ZP3: variants seen among roughly 807,000 people sequenced by gnomAD.
ZP3 encodes the protein zona pellucida glycoprotein 3.
In ZP3, 21 loss-of-function variants were observed where a neutral mutation model predicts 35.6. The ratio of observed to expected loss-of-function variants is 0.59; its 90% confidence interval spans 0.42 to 0.85. The LOEUF (loss-of-function observed/expected upper bound fraction) is 0.85. Among genes scored for constraint, ZP3 ranks in the 40% least tolerant of loss-of-function variants. The pLI, the probability that ZP3 is intolerant of heterozygous loss-of-function variation, is 0.00. For synonymous variants in ZP3, 207 were observed against 214.5 expected (o/e 0.96, Z 0.31); for missense variants, 437 against 536.5 (o/e 0.81, Z 1.83).
chr7:76,401,066 A>C, intron 1 of ZP3: 1 of 1,536,900 alleles, frequency 6.5e-7, no homozygotes, highest in Non-Finnish European at 8.8e-7. Flanking sequence ...GAGGAAGAGC[A>C]TTGGCCCCTC....
intron 5 of ZP3, among the ~76,000 whole-genome samples, chr7:76,437,912 G>A (rs1368938491): frequency 1.3e-5 from 2 of 152,252 alleles, no homozygotes; most frequent in African/African-American, 2.4e-5. Context: ...CATTTCCTTT[G>A]TGGAATAGAC....
upstream of ZP3, chr7:76,424,887 G>A (rs1453277762): frequency 2.9e-6 from 4 of 1,373,744 alleles, no homozygotes; most frequent in African/African-American, 2.9e-5. Context: ...CTGAGAAGCT[G>A]AGAGCCCAGG....
upstream of ZP3, among the ~76,000 whole-genome samples, chr7:76,421,170 G>A (rs1201633999): frequency 6.6e-6 from 1 of 151,954 alleles, no homozygotes; most frequent in Non-Finnish European, 1.5e-5. Context: ...TCCTGACCTC[G>A]TGATCTGCTC....
intron 1 of ZP3, chr7:76,428,581 T>A (rs1422281698): frequency 6.6e-6 from 1 of 152,292 alleles, no homozygotes; most frequent in Non-Finnish European, 1.5e-5. Context: ...CCAGTAGTAC[T>A]CACCTGTGCT....
At chr7:76,422,974 G>A (rs1242197488), upstream of ZP3, among the ~76,000 whole-genome samples, 1 of 148,090 alleles carries the variant, frequency 6.8e-6, no homozygotes, top group Non-Finnish European at 1.5e-5. Flanking sequence ...TCCAGCCTGG[G>A]CGACAGAATG....
intron 1 of ZP3, among the ~76,000 whole-genome samples, chr7:76,427,266 C>T (rs1015325429): frequency 4.6e-5 from 7 of 152,256 alleles, no homozygotes; most frequent in Non-Finnish European, 2.9e-5. Flanking sequence ...CCTGTAATCC[C>T]AGCACTTTGG....
intron 1 of ZP3, 49 bp downstream of exon 1, chr7:76,425,325 G>GC: frequency 6.4e-7 from 1 of 1,552,002 alleles, no homozygotes; most frequent in Non-Finnish European, 8.7e-7. Flanking sequence ...GTTCGAGGCA[G>GC]CCGGGTATGG....
At chr7:76,430,367 A>G (rs111769225) in intron 2 of ZP3, among the ~76,000 whole-genome samples, 1 of 152,184 alleles carries the variant, frequency 6.6e-6, no homozygotes, top group African/African-American at 2.4e-5. Flanking sequence ...CAAGGACAAC[A>G]CTGGGTCCTG....
At chr7:76,424,898 T>G (rs1584055168), upstream of ZP3, 1 of 1,414,982 alleles carries the variant, frequency 7.1e-7, no homozygotes, top group South Asian at 1.5e-5. Flanking sequence ...AGAGCCCAGG[T>G]GGCAGCAGCC....
intron 1 of ZP3, among the ~76,000 whole-genome samples, chr7:76,427,515 CA>C (rs71085411): frequency 0.14 from 14,300 of 104,532 alleles, 661 homozygotes; most frequent in Middle Eastern, 0.19. Flanking sequence ...GACTCCGTCT[CA>C]AAAAAAAAAA....
intron 5 of ZP3, among the ~76,000 whole-genome samples, chr7:76,436,052 T>TCC (rs1805996736): frequency 1.6e-3 from 106 of 67,382 alleles, no homozygotes; most frequent in African/African-American, 5.8e-3. Flanking sequence ...TTTTTTTTTT[T>TCC]TTTTTTTTTT....
intron 1 of ZP3, among the ~76,000 whole-genome samples, chr7:76,425,482 ATGGGG>A (rs1239957763): frequency 1.3e-5 from 2 of 152,008 alleles, no homozygotes; most frequent in Non-Finnish European, 2.9e-5. Context: ...CATTGGGTCG[ATGGGG>A]TGGAGCCAGA....
At chr7:76,436,278 C>T (rs1267053093) in intron 5 of ZP3, among the ~76,000 whole-genome samples, 17 of 152,032 alleles carry the variant, frequency 1.1e-4, no homozygotes, top group Non-Finnish European at 2.5e-4. Flanking sequence ...AATACCCGAC[C>T]TCAAACGATC....
At chr7:76,408,070 G>C (rs760972196) in intron 1 of ZP3, among the ~76,000 whole-genome samples, 7 of 152,222 alleles carry the variant, frequency 4.6e-5, no homozygotes, top group Non-Finnish European at 8.8e-5. Context: ...CAGCCACCCT[G>C]ATGGGGACTT....
At chr7:76,435,412 C>T (rs1383424335) in intron 5 of ZP3, among the ~76,000 whole-genome samples, 67 of 152,370 alleles carry the variant, frequency 4.4e-4, no homozygotes, top group African/African-American at 1.6e-3. Flanking sequence ...GCCTCGGTCT[C>T]CCAAAGTGCT....
rs143850080 is a variant in ZP3 at position 76,426,907 on chromosome 7, C to CAA, written c.312+1632_312+1633dup. On this transcript the variant is annotated intron_variant, in intron 1 of 7. Coordinates refer to ENST00000394857, the MANE Select transcript of ZP3 (RefSeq NM_001110354.2). The stretch of plus-strand genomic sequence containing the variant: ...ACACACACACACACACACACACACA[C>CAA]AATAGGGTGTGGTGGCGCCTGCCTT... Among the ~76,000 whole-genome samples the CAA allele has an allele frequency of 4.8e-3, 611 of 126,714 alleles. 17 individuals are homozygous for CAA. Among genetic ancestry groups the CAA allele is most frequent in the South Asian group, 0.014 (53 of 3,692 alleles). 83.1% of individuals were successfully genotyped at this position (126,714 alleles called of 152,430 possible). A position where few individuals can be genotyped will look rare whatever the true frequency, so the allele number is the denominator to read the frequency against.
Position 76,425,139 on chromosome 7 carries a change from C to T in ZP3, c.175C>T (p.Leu59Phe), listed in dbSNP as rs1292410337. The T allele has an allele frequency of 6.2e-7, 1 of 1,613,964 alleles. No homozygotes were observed. Among genetic ancestry groups the T allele is most frequent in the Non-Finnish European group, 8.5e-7 (1 of 1,180,014 alleles). Residue 59 changes from leucine (L) to phenylalanine (F), a missense_variant, in exon 1 of 8, where the codon CTT becomes TTT. By Grantham distance (22) the Leu-to-Phe change is conservative. Coordinates refer to ENST00000394857, the MANE Select transcript of ZP3 (RefSeq NM_001110354.2). The stretch of plus-strand genomic sequence containing the variant: ...TCTGATGGTCATGGTCAGCAAAGAC[C>T]TTTTTGGCACCGGGAAGCTCATCAG... ...ATLMVMVSKD[L>F]FGTGKLIRAA...
Position 76,424,979 on chromosome 7 carries a change from T to C in ZP3, c.15T>C (p.Tyr5=). The change falls in exon 1 of 8, where the codon TAT becomes TAC. Residue 5 remains tyrosine (Y), a synonymous_variant. Transcript: ENST00000394857. MELS[Y]RLFICLLLWG... Reference sequence around the variant, plus strand: ...CTGCAGGTACCATGGAGCTGAGCTATAGGCTCTTCATCTGCCTCCTGCTCT... The same window carrying C: ...CTGCAGGTACCATGGAGCTGAGCTACAGGCTCTTCATCTGCCTCCTGCTCT... 1 of 1,543,466 alleles carries C rather than the reference T, an allele frequency of 6.5e-7. No homozygotes were observed. Among genetic ancestry groups the C allele is most frequent in the East Asian group, 2.4e-5 (1 of 40,956 alleles).
At chr7:76,398,616 C>T in intron 1 of ZP3, 2 of 1,329,350 alleles carry the variant, frequency 1.5e-6, no homozygotes, top group Non-Finnish European at 2.1e-6. Context: ...TTTTCTCTAA[C>T]TTTACATCTT....
Sources: allele counts gnomAD v4.1 joint callset (sites outside exome capture counted in the v4.1 genomes callset), GRCh38; gene constraint gnomAD v4.1.1; transcripts MANE v1.5; gene names NCBI Gene and HGNC (gene_info 2026-07-23, HGNC 2026-07-21).